Variants in DNAJC1 observed in about 807,000 individuals in gnomAD.
DNAJC1 encodes DnaJ heat shock protein family (Hsp40) member C1.
DNAJC1 carries 58 observed loss-of-function variants against 76.6 expected under a neutral mutation model. That is an observed-to-expected ratio of 0.76 (90% CI 0.61 to 0.94). The LOEUF (loss-of-function observed/expected upper bound fraction) is 0.94, where lower values mean the gene tolerates loss of function less well. Ranked by LOEUF, DNAJC1 falls within the 40% of genes least tolerant of loss-of-function variation. DNAJC1 has a pLI of 0.00. For missense variants in DNAJC1, 689 were observed against 677.3 expected (o/e 1.02, Z -0.19); for synonymous variants, 258 against 267.9 (o/e 0.96, Z 0.36).
chr10:21,791,660 T>G (rs995232986), intron 9 of DNAJC1, among the ~76,000 whole-genome samples: 1 of 151,842 alleles, frequency 6.6e-6, no homozygotes, highest in African/African-American at 2.4e-5. Context: ...ATAAAAAAAT[T>G]TAAAAGAAAA....
chr10:21,918,435 G>C (rs1480263942), intron 6 of DNAJC1, among the ~76,000 whole-genome samples: 2 of 147,426 alleles, frequency 1.4e-5, no homozygotes, highest in Non-Finnish European at 3.0e-5. Flanking sequence ...TGGGTGGCAA[G>C]CTACTTGAAT....
At chr10:21,803,869 A>T (rs544073185) in intron 9 of DNAJC1, 1 of 982,154 alleles carries the variant, frequency 1.0e-6, no homozygotes, top group Admixed American at 6.2e-5. Flanking sequence ...TGGCCAAAAA[A>T]AAAAAAAACC....
intron 8 of DNAJC1, among the ~76,000 whole-genome samples, chr10:21,842,997 G>A (rs934643662): frequency 2.6e-5 from 4 of 152,096 alleles, no homozygotes; most frequent in African/African-American, 9.7e-5. Flanking sequence ...TAAATAAAAA[G>A]CAGCGAAAAG....
chr10:21,929,954 T>C (rs577383874), intron 1 of DNAJC1, among the ~76,000 whole-genome samples: 1 of 152,276 alleles, frequency 6.6e-6, no homozygotes, highest in East Asian at 1.9e-4. Context: ...TGCATAATAA[T>C]AACAAAGAAT....
At chr10:21,889,880 C>A (rs1836432552) in intron 7 of DNAJC1, among the ~76,000 whole-genome samples, 1 of 152,172 alleles carries the variant, frequency 6.6e-6, no homozygotes, top group East Asian at 1.9e-4. Context: ...AGTGTTACCC[C>A]CATCCCACCA....
intron 11 of DNAJC1, among the ~76,000 whole-genome samples, chr10:21,758,633 G>A (rs1334393353): frequency 2.0e-4 from 31 of 152,276 alleles, no homozygotes; most frequent in Admixed American, 2.0e-3. Flanking sequence ...CCTCTGGACA[G>A]CCACCAGGTG....
rs563355841 is a variant in DNAJC1 at position 21,890,510 on chromosome 10, T to C, written c.821-8071A>G. ...TGGTAACAAAGCCATCCCCATATAA[T>C]GTCAGTGGAGATCAAGTGGGGTGCA... is the stretch of plus-strand genomic sequence containing the variant. On this transcript the variant is annotated intron_variant, in intron 7 of 11. Coordinates refer to ENST00000376980, the MANE Select transcript of DNAJC1 (RefSeq NM_022365.4). Among the ~76,000 whole-genome samples, 9 of 151,744 alleles carry C rather than the reference T, an allele frequency of 5.9e-5. No individual in the cohort carries two copies. The South Asian group carries it at 1.9e-3, about 32-fold the overall frequency.
At chr10:21,824,593 T>TG (rs1387170101) in intron 8 of DNAJC1, among the ~76,000 whole-genome samples, 6 of 152,308 alleles carry the variant, frequency 3.9e-5, no homozygotes, top group African/African-American at 1.4e-4. Flanking sequence ...TGGAGAGAGA[T>TG]GGACGGTGAT....
At chr10:21,937,003 A>G (rs1837321570) in intron 1 of DNAJC1, among the ~76,000 whole-genome samples, 1 of 152,172 alleles carries the variant, frequency 6.6e-6, no homozygotes, top group Admixed American at 6.5e-5. Flanking sequence ...ATGAATTCAA[A>G]ACAAACATGA....
intron 1 of DNAJC1, among the ~76,000 whole-genome samples, chr10:21,954,600 T>C (rs1267338376): frequency 6.6e-6 from 1 of 152,192 alleles, no homozygotes; most frequent in Non-Finnish European, 1.5e-5. Context: ...TCAACAACCA[T>C]GTTTAGAAAC....
intron 1 of DNAJC1, among the ~76,000 whole-genome samples, chr10:21,972,094 T>C (rs1462037186): frequency 1.3e-5 from 2 of 151,912 alleles, no homozygotes; most frequent in Non-Finnish European, 3.0e-5. Context: ...TCAAGGGGAC[T>C]TTTGTAAAAT....
intron 8 of DNAJC1, among the ~76,000 whole-genome samples, chr10:21,835,949 C>A (rs967704177): frequency 1.6e-4 from 24 of 152,192 alleles, no homozygotes; most frequent in Middle Eastern, 3.4e-3. Flanking sequence ...AGGCAGGCCA[C>A]CATTCAAATT....
chr10:21,854,008 T>C (rs780658316), intron 8 of DNAJC1, among the ~76,000 whole-genome samples: 11 of 151,944 alleles, frequency 7.2e-5, no homozygotes, highest in Non-Finnish European at 1.0e-4. Flanking sequence ...GAACATGTAA[T>C]AGACATTGAG....
chr10:21,965,104 A>T (rs764304951), intron 1 of DNAJC1, among the ~76,000 whole-genome samples: 95 of 152,058 alleles, frequency 6.2e-4, no homozygotes, highest in Non-Finnish European at 1.1e-3. Flanking sequence ...CAACTTCCAT[A>T]ACTCCAATTA....
chr10:21,993,587 G>T (rs1232553892), intron 1 of DNAJC1, among the ~76,000 whole-genome samples: 1 of 151,986 alleles, frequency 6.6e-6, no homozygotes, highest in African/African-American at 2.4e-5. Flanking sequence ...TCCAAAGAAG[G>T]CCACAAGATG....
At position 21,834,384 on chromosome 10, in the gene DNAJC1, C is replaced by T. The variant is rs563509143; in HGVS notation, c.979-28285G>A. Among the ~76,000 whole-genome samples the T allele has an allele frequency of 2.0e-5, 3 of 152,344 alleles. No individual in the cohort carries two copies. In the South Asian group the frequency reaches 6.2e-4, roughly 32 times the overall value. The stretch of plus-strand genomic sequence containing the variant: ...TGGGAACAGCTCTGGTCTACAGCTA[C>T]CAGCGTGAGCAACGCAGAAGATGGG... On this transcript the variant is annotated intron_variant, in intron 8 of 11. Coordinates refer to ENST00000376980, the MANE Select transcript of DNAJC1 (RefSeq NM_022365.4).
chr10:21,945,126 A>G (rs1837483847), intron 1 of DNAJC1, among the ~76,000 whole-genome samples: 1 of 152,254 alleles, frequency 6.6e-6, no homozygotes, highest in African/African-American at 2.4e-5. Flanking sequence ...AAAGAAAAAC[A>G]GAAGAGTGGT....
At chr10:21,808,342 AATTAG>A (rs1371180811) in intron 8 of DNAJC1, among the ~76,000 whole-genome samples, 6 of 152,192 alleles carry the variant, frequency 3.9e-5, no homozygotes, top group Admixed American at 3.3e-4. Context: ...ATCTGATTTT[AATTAG>A]ATTAATGAGT....
intron 1 of DNAJC1, among the ~76,000 whole-genome samples, chr10:21,934,386 G>A (rs1257190776): frequency 1.3e-5 from 2 of 152,086 alleles, no homozygotes; most frequent in African/African-American, 4.8e-5. Flanking sequence ...TTAATTTATT[G>A]TTGAAGAGAT....
Sources: gnomAD v4.1 joint callset for allele counts (sites outside exome capture counted in the v4.1 genomes callset) on GRCh38, gnomAD v4.1.1 for gene constraint, MANE v1.5 for transcripts, NCBI Gene and HGNC (gene_info 2026-07-23, HGNC 2026-07-21) for gene names.